Variants in MYH13 observed in about 807,000 individuals in gnomAD.
MYH13 encodes the protein myosin-13.
Under a neutral mutation model 232.1 loss-of-function variants are expected in MYH13, and 177 were observed. The ratio of observed to expected loss-of-function variants is 0.76; its 90% CI spans 0.67 to 0.86. MYH13 has a LOEUF of 0.86. MYH13 is among the 40% of genes least tolerant of loss of function. MYH13 has a pLI of 0.00. For missense variants in MYH13, 2,246 were observed against 2,405.9 expected (o/e 0.93, Z 1.39); for synonymous variants, 884 against 923.5 (o/e 0.96, Z 0.78).
Position 10,306,913 on chromosome 17 carries a change from C to G in MYH13, c.5295+26G>C. On this transcript the variant is annotated intron_variant, in intron 36 of 40. Coordinates refer to ENST00000252172, the MANE Select transcript of MYH13 (RefSeq NM_003802.3). The surrounding 1 kb of genome is among the most constrained non-coding windows in gnomAD (Gnocchi z 4.3). Reference sequence around the variant, plus strand: ...CCACTTTCTCAGTTCCAAACCCCATCTCTGAAAAGGAAGAACAGAGCTCAC... The same window carrying G: ...CCACTTTCTCAGTTCCAAACCCCATGTCTGAAAAGGAAGAACAGAGCTCAC... The G allele has an allele frequency of 6.2e-7, 1 of 1,612,216 alleles. No individual in the cohort carries two copies. The highest frequency in any genetic ancestry group is 8.5e-7 in the Non-Finnish European group (1 of 1,179,872).
chr17:10,306,371 G>T lies in MYH13; in HGVS notation c.5466+88C>A. 6.4e-7 allele frequency: 1 copy of T among 1,563,510 alleles called. No homozygotes were observed. Among genetic ancestry groups the T allele is most frequent in the Non-Finnish European group, 8.7e-7 (1 of 1,148,280 alleles). Reference sequence around the variant, plus strand: ...ACTGAATTTGCAATCTATTCATTCAGTGGCCTTTTCCCACCATCTCAGTTT... The same window carrying T: ...ACTGAATTTGCAATCTATTCATTCATTGGCCTTTTCCCACCATCTCAGTTT... On this transcript the variant is annotated intron_variant, in intron 37 of 40. Transcript: ENST00000252172. The surrounding 1 kb of genome is among the most constrained non-coding windows in gnomAD (Gnocchi z 4.3).
rs181915617 is a variant in MYH13, at chr17:10,350,416, A to G, written c.1144+140T>C. The stretch of plus-strand genomic sequence containing the variant: ...AGCAGACTTCCTAGTGCATGCTACA[A>G]TGAGCTTCAGGAAACCCAGATTTGA... On this transcript the variant is annotated intron_variant, in intron 12 of 40. Coordinates refer to ENST00000252172, the MANE Select transcript of MYH13 (RefSeq NM_003802.3). 1.7e-4 allele frequency: 212 copies of G among 1,236,912 alleles called. 2 individuals carry two copies. In the African/African-American group the frequency reaches 2.8e-3, roughly 16 times the overall value. The allele number at this position is 1,236,912 out of a possible 1,614,324, so 76.6% of individuals were successfully genotyped here.
At chr17:10,314,246 C>T (rs1906623513) in intron 29 of MYH13, among the ~76,000 whole-genome samples, 1 of 152,058 alleles carries the variant, frequency 6.6e-6, no homozygotes, top group South Asian at 2.1e-4. Context: ...ATGGAGAAAC[C>T]CTGTCACTAC....
chr17:10,370,540 G>A lies in MYH13; in HGVS notation c.-13+669C>T, dbSNP rs559372980. Among the ~76,000 whole-genome samples, 19 of 152,086 alleles carry A rather than the reference G, an allele frequency of 1.2e-4. No homozygotes were observed. The East Asian group carries it at 2.3e-3, about 19-fold the overall frequency. On this transcript the variant is annotated intron_variant, in intron 2 of 40. Coordinates refer to ENST00000252172, the MANE Select transcript of MYH13 (RefSeq NM_003802.3). ...CCTTCTAATTGAGATGACTACCCCC[G>A]CCTGCCTAATCTCCATCACCCACTT...
intron 18 of MYH13, among the ~76,000 whole-genome samples, chr17:10,338,328 G>C (rs2071592171): frequency 9.6e-6 from 1 of 104,186 alleles, no homozygotes; most frequent in African/African-American, 3.3e-5. Context: ...GAGGCTGCAG[G>C]ATGCCCCAGA....
rs564456105 is a variant in MYH13 at position 10,372,652 on chromosome 17, C to G, written c.-64+327G>C. On this transcript the variant is annotated intron_variant, in intron 1 of 40. Coordinates refer to ENST00000252172, the MANE Select transcript of MYH13 (RefSeq NM_003802.3). ...TCACAGAAGAGATACCACAAGTTAC[C>G]AAGTTAATTTGCTAACTGAACAGTA... Among the ~76,000 whole-genome samples, 8 of 152,224 alleles carry G rather than the reference C, an allele frequency of 5.3e-5. No homozygotes were observed. In the South Asian group the frequency reaches 1.2e-3, roughly 24 times the overall value.
intron 8 of MYH13, among the ~76,000 whole-genome samples, chr17:10,355,885 T>C (rs1465910183): frequency 1.4e-5 from 2 of 146,650 alleles, no homozygotes; most frequent in Non-Finnish European, 3.0e-5. Flanking sequence ...TCTTAATAGA[T>C]GCTACTTCTG....
rs368819674 is a variant in MYH13, at chr17:10,345,605, C to A, written c.1275G>T (p.Ser425=). ...KGQNVQQVTN[S]VGALAKAVYE... is the part of the protein sequence containing the mutation. ...AGACGGCTTTGGCCAGAGCACCCAC[C>A]GAATTGGTCACCTTGAAAAAGGATC... Residue 425 remains serine, a synonymous_variant, in exon 14 of 41, where the codon TCG becomes TCT. Coordinates refer to ENST00000252172, the MANE Select transcript of MYH13 (RefSeq NM_003802.3). 1.9e-6 allele frequency: 3 copies of A among 1,614,136 alleles called. No individual in the cohort carries two copies. Among genetic ancestry groups the A allele is most frequent in the East Asian group, 4.5e-5 (2 of 44,874 alleles).
chr17:10,322,816 G>T (rs986403011), intron 23 of MYH13, among the ~76,000 whole-genome samples: 2 of 151,948 alleles, frequency 1.3e-5, no homozygotes, highest in East Asian at 1.9e-4. Context: ...TGTATTTTTA[G>T]TAGAGACGGG....
At chr17:10,370,781 A>T (rs923495123) in intron 2 of MYH13, among the ~76,000 whole-genome samples, 1 of 152,196 alleles carries the variant, frequency 6.6e-6, no homozygotes, top group Admixed American at 6.5e-5. Flanking sequence ...CGCACCGGGC[A>T]TAGGATTGAA....
intron 8 of MYH13, among the ~76,000 whole-genome samples, chr17:10,357,464 T>G (rs1025283644): frequency 6.6e-6 from 1 of 152,150 alleles, no homozygotes; most frequent in African/African-American, 2.4e-5. Context: ...GATCTCTAAT[T>G]GTGGGATTTG....
chr17:10,357,844 A>G lies in MYH13; in HGVS notation c.646-17T>C. On this transcript the variant is annotated splice_polypyrimidine_tract_variant and intron_variant, in intron 7 of 40. Coordinates refer to ENST00000252172, the MANE Select transcript of MYH13 (RefSeq NM_003802.3). ...TAGGGTTCCCTAATAATAAACAAGA[A>G]GAGGAAAAAGAGGACTTTGGATGGT... 1 of 1,601,496 alleles carries G rather than the reference A, an allele frequency of 6.2e-7. No individual in the cohort carries two copies. Among genetic ancestry groups the G allele is most frequent in the South Asian group, 1.1e-5 (1 of 90,028 alleles).
rs762854632 is a variant in MYH13, at chr17:10,360,067, C to T, written c.538G>A (p.Glu180Lys). 2 of 1,614,114 alleles carry T rather than the reference C, an allele frequency of 1.2e-6. No individual in the cohort carries two copies. Among genetic ancestry groups the T allele is most frequent in the Non-Finnish European group, 1.7e-6 (2 of 1,180,014 alleles). ...TTCACAGTCTTCCCAGCCCCGGATTCTCCGCTGCCAATTTAAAAGTAAACG... is the reference window on the plus strand; with the variant it reads ...TTCACAGTCTTCCCAGCCCCGGATTTTCCGCTGCCAATTTAAAAGTAAACG... ...RDNQSILITG[E>K]SGAGKTVNTK... Residue 180 changes from glutamate to lysine, a missense_variant, in exon 7 of 41, where the codon GAA (glutamate) becomes AAA (lysine). Physicochemically the swap from Glu to Lys is moderately conservative, Grantham distance 56. Transcript: ENST00000252172.
chr17:10,372,738 G>A (rs1440292421), intron 1 of MYH13, among the ~76,000 whole-genome samples: 1 of 152,134 alleles, frequency 6.6e-6, no homozygotes, highest in Non-Finnish European at 1.5e-5. Flanking sequence ...TGTTCTGCAG[G>A]TGAATATTTT....
intron 22 of MYH13, among the ~76,000 whole-genome samples, chr17:10,326,183 A>G (rs1907191772): frequency 6.6e-6 from 1 of 152,182 alleles, no homozygotes; most frequent in Non-Finnish European, 1.5e-5. Context: ...AAGCACAAAG[A>G]GGATATGTAG....
At position 10,355,100 on chromosome 17, in the gene MYH13, C is replaced by T. The variant is rs747205193; in HGVS notation, c.786G>A (p.Ser262=). The part of the protein sequence containing the change: ...IHFGATGKLA[S]ADIETYLLEK... ...TGGACTCACAAGTTTCGATGTCTGC[C>T]GATGCCAGCTTTCCTGTGGCTCCAA... Residue 262 remains serine (S), a synonymous_variant, in exon 9 of 41, where the codon TCG becomes TCA. Transcript: ENST00000252172. 3.9e-5 allele frequency: 63 copies of T among 1,596,612 alleles called. No homozygotes were observed. The East Asian group carries it at 1.1e-3, about 29-fold the overall frequency.
At position 10,355,074 on chromosome 17, in the gene MYH13, T is replaced by A; in HGVS notation, c.802+10A>T. ...AAACACCAACGGATTTATAGAGTGT[T>A]TGGACTCACAAGTTTCGATGTCTGC... On this transcript the variant is annotated intron_variant, in intron 9 of 40. Transcript: ENST00000252172. 1 of 1,606,042 alleles carries A rather than the reference T, an allele frequency of 6.2e-7. No individual in the cohort carries two copies.
intron 23 of MYH13, among the ~76,000 whole-genome samples, chr17:10,323,258 G>A (rs1246250952): frequency 6.6e-6 from 1 of 152,118 alleles, no homozygotes; most frequent in African/African-American, 2.4e-5. Flanking sequence ...TTTCCCAAAG[G>A]CTGCATCAGT....
chr17:10,345,707 G>T (rs2071658838), intron 13 of MYH13, 91 bp from the exon 14 acceptor site: 1 of 1,606,484 alleles, frequency 6.2e-7, no homozygotes, highest in Non-Finnish European at 8.5e-7. Flanking sequence ...AAAATCAAAA[G>T]CTGTTGGCTA....
Sources: gnomAD v4.1 joint callset for allele counts (sites outside exome capture counted in the v4.1 genomes callset) on GRCh38, gnomAD v4.1.1 for gene constraint, Gnocchi (gnomAD v3.1) non-coding constraint, MANE v1.5 for transcripts, NCBI Gene and HGNC (gene_info 2026-07-23, HGNC 2026-07-21) for gene names.